Variants in KIAA1217 observed in about 807,000 individuals in gnomAD.
KIAA1217 encodes KIAA1217, also known as sickle tail protein homolog.
KIAA1217 carries 88 observed loss-of-function variants against 163.9 expected under a neutral mutation model. The observed-to-expected ratio is 0.54, with a 90% CI of 0.45 to 0.64. The LOEUF (loss-of-function observed/expected upper bound fraction) is 0.64, where lower values mean the gene tolerates loss of function less well. Ranked by LOEUF, KIAA1217 falls within the 30% of genes least tolerant of loss-of-function variation. The pLI is 0.00. For synonymous variants in KIAA1217, 903 were observed against 923.1 expected (o/e 0.98, Z 0.39); for missense variants, 2,372 against 2,475.0 (o/e 0.96, Z 0.88).
At chr10:23,878,687 T>C (rs898898596) in intron 1 of KIAA1217, among the ~76,000 whole-genome samples, 4 of 151,878 alleles carry the variant, frequency 2.6e-5, no homozygotes, top group African/African-American at 9.7e-5. Flanking sequence ...GCTGAGTGGA[T>C]AATATATGGG....
chr10:24,077,128 C>A (rs2131642993), intron 2 of KIAA1217, among the ~76,000 whole-genome samples: 1 of 152,288 alleles, frequency 6.6e-6, no homozygotes, highest in Admixed American at 6.5e-5. Context: ...CCACTGACCT[C>A]AGCCTCCCAA....
At position 23,854,434 on chromosome 10, in the gene KIAA1217, C is replaced by G. The variant is rs548764496; in HGVS notation, c.-320-152791C>G. 5.3e-5 allele frequency among the ~76,000 whole-genome samples: 8 copies of G among 152,138 alleles called. No homozygotes were observed. In the South Asian group the frequency reaches 1.2e-3, roughly 24 times the overall value. On this transcript the variant is annotated intron_variant, in intron 1 of 18. Transcript: ENST00000376462. ...TTTCTGAGGAGTGCTTTACTTCCAA[C>G]TATGTGGTCAATTTTGGAGTAGGTG... is the stretch of plus-strand genomic sequence containing the variant.
chr10:24,489,428 C>T (rs2065818745), intron 6 of KIAA1217, among the ~76,000 whole-genome samples: 1 of 151,882 alleles, frequency 6.6e-6, no homozygotes, highest in African/African-American at 2.4e-5. Flanking sequence ...GGGGAATCGC[C>T]AGCTTCATAT....
At chr10:23,925,829 G>T (rs1327925137) in intron 1 of KIAA1217, among the ~76,000 whole-genome samples, 1 of 152,100 alleles carries the variant, frequency 6.6e-6, no homozygotes, top group Non-Finnish European at 1.5e-5. Context: ...GATCCAAAGA[G>T]GCCCAATAAA....
At chr10:23,895,300 A>G (rs1488455241) in intron 1 of KIAA1217, among the ~76,000 whole-genome samples, 1 of 152,192 alleles carries the variant, frequency 6.6e-6, no homozygotes, top group African/African-American at 2.4e-5. Flanking sequence ...TACAAGAAAA[A>G]AACAAACAAC....
At chr10:24,098,627 G>A (rs531058614) in intron 2 of KIAA1217, among the ~76,000 whole-genome samples, 1 of 152,036 alleles carries the variant, frequency 6.6e-6, no homozygotes, top group African/African-American at 2.4e-5. Flanking sequence ...GGAAGTTGGG[G>A]AATGGATTTA....
chr10:23,837,792 C>CAAT (rs1196576444), intron 1 of KIAA1217, among the ~76,000 whole-genome samples: 3 of 152,162 alleles, frequency 2.0e-5, no homozygotes, highest in African/African-American at 7.2e-5. Flanking sequence ...CCACCCACCT[C>CAAT]TGTCTCCCAA....
In KIAA1217 at chr10:23,907,212, C is replaced by T. The variant is rs76305816; in HGVS notation, c.-320-100013C>T. 6.2e-3 allele frequency among the ~76,000 whole-genome samples: 938 copies of T among 151,910 alleles called. 11 individuals are homozygous for T. Among genetic ancestry groups the T allele is most frequent in the African/African-American group, 0.021 (882 of 41,418 alleles). ...TTCACCCTCCTTTCTTTTGTCTTTA[C>T]CTCTTTCCTTCTTTTCTTCAACATT... On this transcript the variant is annotated intron_variant, in intron 1 of 18. Transcript: ENST00000376462.
intron 1 of KIAA1217, among the ~76,000 whole-genome samples, chr10:23,953,045 A>T (rs1844409142): frequency 6.6e-6 from 1 of 152,242 alleles, no homozygotes; most frequent in African/African-American, 2.4e-5. Flanking sequence ...GAGAGAAGAC[A>T]GTTGAGAACT....
rs1473324135 is a variant in KIAA1217, at chr10:23,897,938, A to G, written c.-320-109287A>G. Among the ~76,000 whole-genome samples, 3 of 152,014 alleles carry G rather than the reference A, an allele frequency of 2.0e-5. No homozygotes were observed. The East Asian group carries it at 5.8e-4, about 30-fold the overall frequency. On this transcript the variant is annotated intron_variant, in intron 1 of 18. Coordinates refer to the KIAA1217 transcript ENST00000376462. Reference sequence around the variant, plus strand: ...GTAAACAATTTTTAAATTTTTTTTTAAAAACGCTCTCTCCTGAATCCTCAA... The same window carrying G: ...GTAAACAATTTTTAAATTTTTTTTTGAAAACGCTCTCTCCTGAATCCTCAA...
chr10:24,252,605 A>T (rs2074683401), intron 2 of KIAA1217, among the ~76,000 whole-genome samples: 1 of 152,184 alleles, frequency 6.6e-6, no homozygotes, highest in East Asian at 1.9e-4. Flanking sequence ...TTTGATTAGC[A>T]CAAAGATGGG....
intron 1 of KIAA1217, among the ~76,000 whole-genome samples, chr10:23,845,603 G>A (rs1437616839): frequency 1.3e-5 from 2 of 151,276 alleles, no homozygotes; most frequent in Non-Finnish European, 2.9e-5. Flanking sequence ...TTGTAAATTT[G>A]TTTAAGTTAT....
chr10:23,989,011 A>G (rs896168790), intron 1 of KIAA1217, among the ~76,000 whole-genome samples: 2 of 152,250 alleles, frequency 1.3e-5, no homozygotes, highest in Non-Finnish European at 2.9e-5. Context: ...ATTAATTAAA[A>G]GCACAATTTT....
intron 6 of KIAA1217, among the ~76,000 whole-genome samples, chr10:24,485,807 C>T (rs1422128372): frequency 6.6e-6 from 1 of 152,124 alleles, no homozygotes; most frequent in East Asian, 1.9e-4. Context: ...AGTTGTTTTC[C>T]CAATTCGATG....
intron 1 of KIAA1217, among the ~76,000 whole-genome samples, chr10:23,936,393 G>A (rs1229040210): frequency 6.6e-6 from 1 of 152,184 alleles, no homozygotes; most frequent in Admixed American, 6.5e-5. Context: ...GATATGTCTA[G>A]GTTCCAGCCC....
chr10:24,467,814 A>ATGTGTGTGTG (rs10672795), intron 5 of KIAA1217, among the ~76,000 whole-genome samples: 2 of 148,368 alleles, frequency 1.3e-5, no homozygotes, highest in Admixed American at 6.7e-5. Flanking sequence ...GTGTGTGTGT[A>ATGTGTGTGTG]TGTGTGTGTG....
chr10:23,750,498 C>T (rs534753510), intron 1 of KIAA1217, among the ~76,000 whole-genome samples: 3 of 152,270 alleles, frequency 2.0e-5, no homozygotes, highest in Admixed American at 1.3e-4. Flanking sequence ...ATGTCCTCTA[C>T]GGTGGGCTTG....
At chr10:24,533,690 G>T (rs1035068058) in intron 16 of KIAA1217, among the ~76,000 whole-genome samples, 2 of 152,276 alleles carry the variant, frequency 1.3e-5, no homozygotes, top group South Asian at 4.1e-4. Context: ...GCCTCCTGTG[G>T]TCCATAACCA....
intron 11 of KIAA1217, among the ~76,000 whole-genome samples, chr10:24,520,869 A>G: frequency 6.8e-6 from 1 of 147,320 alleles, no homozygotes; most frequent in Non-Finnish European, 1.5e-5. Context: ...AATAAAAATA[A>G]AAAACAAAAA....
Sources: gnomAD v4.1 joint callset for allele counts (sites outside exome capture counted in the v4.1 genomes callset) on GRCh38, gnomAD v4.1.1 for gene constraint, MANE v1.5 for transcripts, NCBI Gene and HGNC (gene_info 2026-07-23, HGNC 2026-07-21) for gene names.